Variants in SEPSECS observed in about 807,000 individuals in gnomAD.
The protein encoded by SEPSECS is O-phosphoseryl-tRNA(Sec) selenium transferase.
A neutral mutation model predicts 52.1 loss-of-function variants in SEPSECS; 42 were observed. That is an observed-to-expected ratio of 0.81 (90% CI 0.63 to 1.04). The LOEUF is 1.04. Among genes scored for constraint, SEPSECS ranks in the 50% least tolerant of loss-of-function variants. SEPSECS has a pLI of 0.00. For synonymous variants in SEPSECS, 216 were observed against 211.4 expected (o/e 1.02, Z -0.19); for missense variants, 590 against 610.6 (o/e 0.97, Z 0.36).
At chr4:25,130,471 G>C (rs996124160) in intron 8 of SEPSECS, among the ~76,000 whole-genome samples, 1 of 152,098 alleles carries the variant, frequency 6.6e-6, no homozygotes, top group Non-Finnish European at 1.5e-5. Context: ...CTTTTGAACT[G>C]TAGGTAATAT....
At chr4:25,159,192 A>T in intron 1 of SEPSECS, 85 bp from the exon 2 acceptor site, 1 of 1,238,214 alleles carries the variant, frequency 8.1e-7, no homozygotes, top group Middle Eastern at 2.4e-4. Flanking sequence ...TTTCTTTTTA[A>T]CGTGTATTTT....
intron 6 of SEPSECS, 27 bp downstream of exon 6, chr4:25,151,933 C>G (rs376178623): frequency 3.4e-6 from 4 of 1,170,906 alleles, no homozygotes; most frequent in Non-Finnish European, 5.2e-6. Context: ...TTTTCCTTGA[C>G]ATACATATCA....
chr4:25,158,575 T>C (rs1000719321), intron 2 of SEPSECS, among the ~76,000 whole-genome samples: 1 of 150,972 alleles, frequency 6.6e-6, no homozygotes, highest in Non-Finnish European at 1.5e-5. Flanking sequence ...CTATAAATCA[T>C]TCAAAAAAAA....
Position 25,150,391 on chromosome 4 carries a change from C to T in SEPSECS, c.804+1569G>A, listed in dbSNP as rs117486595. On this transcript the variant is annotated intron_variant, in intron 6 of 10. Transcript: ENST00000382103. ...GTAACCAGTTATTAATTGTCCATTA[C>T]GTACCAGATATTGTCTTAAGTACTG... 2.0e-3 allele frequency among the ~76,000 whole-genome samples: 297 copies of T among 152,266 alleles called. 7 individuals are homozygous for T. The East Asian group carries it at 0.037, about 19-fold the overall frequency.
intron 2 of SEPSECS, among the ~76,000 whole-genome samples, chr4:25,157,548 T>C (rs1306728800): frequency 1.3e-5 from 2 of 151,820 alleles, no homozygotes; most frequent in Non-Finnish European, 2.9e-5. Flanking sequence ...TCTTTTTTTT[T>C]TTTTTTTTCG....
intron 8 of SEPSECS, among the ~76,000 whole-genome samples, chr4:25,134,124 CAAAA>C (rs34672005): frequency 7.6e-4 from 10 of 13,174 alleles, no homozygotes; most frequent in African/African-American, 1.1e-3. Context: ...GACCCCATCT[CAAAA>C]AAAAAAAAAA....
chr4:25,124,935 C>A (rs1728301919), intron 10 of SEPSECS, among the ~76,000 whole-genome samples: 1 of 151,488 alleles, frequency 6.6e-6, no homozygotes, highest in East Asian at 1.9e-4. Flanking sequence ...TAGGCTCAAC[C>A]TAAACACACA....
intron 8 of SEPSECS, among the ~76,000 whole-genome samples, chr4:25,136,066 A>T (rs1444587890): frequency 2.0e-5 from 3 of 152,202 alleles, no homozygotes; most frequent in African/African-American, 7.2e-5. Flanking sequence ...AAATAATAAT[A>T]GCCATTTATG....
At chr4:25,127,137 T>C (rs1728407843) in intron 9 of SEPSECS, 127 bp downstream of exon 9, 2 of 669,226 alleles carry the variant, frequency 3.0e-6, no homozygotes, top group Non-Finnish European at 5.1e-6. Flanking sequence ...ATTTACAAAT[T>C]AAAATACTGT....
Position 25,145,146 on chromosome 4 carries a change from T to C in SEPSECS, c.805-13A>G, listed in dbSNP as rs930671353. 1.2e-6 allele frequency: 2 copies of C among 1,613,512 alleles called. No individual in the cohort carries two copies. Among genetic ancestry groups the C allele is most frequent in the South Asian group, 1.1e-5 (1 of 90,974 alleles). ...CAACTCGAGCCCCCTGGAATCAATA[T>C]GATATTACATATTAGTTGCTAGGAA... On this transcript the variant is annotated splice_polypyrimidine_tract_variant and intron_variant, in intron 6 of 10. Coordinates refer to ENST00000382103, the MANE Select transcript of SEPSECS (RefSeq NM_016955.4).
intron 8 of SEPSECS, among the ~76,000 whole-genome samples, chr4:25,137,144 C>T (rs1728871492): frequency 6.6e-6 from 1 of 152,150 alleles, no homozygotes; most frequent in Non-Finnish European, 1.5e-5. Flanking sequence ...CCATACAGGA[C>T]ACTGGCACAG....
intron 8 of SEPSECS, among the ~76,000 whole-genome samples, chr4:25,143,232 G>A (rs564404238): frequency 2.6e-5 from 4 of 152,170 alleles, no homozygotes; most frequent in Admixed American, 2.0e-4. Context: ...AGTAAAATTC[G>A]GGATGTCTGT....
intron 6 of SEPSECS, among the ~76,000 whole-genome samples, chr4:25,147,737 T>C (rs1271721389): frequency 6.6e-6 from 1 of 152,160 alleles, no homozygotes; most frequent in African/African-American, 2.4e-5. Flanking sequence ...CTTAAGTCAT[T>C]CTGGGGTCTC....
At chr4:25,150,930 G>T (rs186375263) in intron 6 of SEPSECS, among the ~76,000 whole-genome samples, 5 of 152,020 alleles carry the variant, frequency 3.3e-5, no homozygotes, top group African/African-American at 1.2e-4. Context: ...TCACTTGAGC[G>T]TGGGAAGTTG....
At chr4:25,124,584 T>C (rs1480504336) in intron 10 of SEPSECS, among the ~76,000 whole-genome samples, 1 of 152,154 alleles carries the variant, frequency 6.6e-6, no homozygotes, top group Non-Finnish European at 1.5e-5. Flanking sequence ...AAAAAGAAAA[T>C]GATTTGGTTT....
chr4:25,153,821 G>A (rs1712460726), intron 5 of SEPSECS, among the ~76,000 whole-genome samples: 4 of 151,970 alleles, frequency 2.6e-5, no homozygotes. Context: ...TTTTCTGACT[G>A]ATAAAAATCT....
At position 25,156,116 on chromosome 4, in the gene SEPSECS, T is replaced by A; in HGVS notation, c.468A>T (p.Arg156=). ...MSLTLCFLTL[R]HKRPKAKYII... ...TATACTTTGCCTTTGGTCTTTTGTG[T>A]CGTAATGTTAAGAAACACAGAGTTA... Residue 156 remains arginine (R), a synonymous_variant, in exon 4 of 11, where the codon CGA becomes CGT. Coordinates refer to ENST00000382103, the MANE Select transcript of SEPSECS (RefSeq NM_016955.4). 3 of 1,613,980 alleles carry A rather than the reference T, an allele frequency of 1.9e-6. No homozygotes were observed. Among genetic ancestry groups the A allele is most frequent in the Non-Finnish European group, 2.5e-6 (3 of 1,179,916 alleles).
chr4:25,156,261 A>G (rs1712627516), intron 3 of SEPSECS, 66 bp from the exon 4 acceptor site: 2 of 1,391,982 alleles, frequency 1.4e-6, no homozygotes, highest in Admixed American at 3.4e-5. Flanking sequence ...TCTTGAGGAA[A>G]TAATATATTT....
chr4:25,133,255 T>C (rs1728685375), intron 8 of SEPSECS, among the ~76,000 whole-genome samples: 1 of 152,184 alleles, frequency 6.6e-6, no homozygotes, highest in Admixed American at 6.5e-5. Context: ...CTACTCTATA[T>C]ATCTAGATAA....
Sources: allele counts gnomAD v4.1 joint callset (sites outside exome capture counted in the v4.1 genomes callset), GRCh38; gene constraint gnomAD v4.1.1; transcripts MANE v1.5; gene names NCBI Gene and HGNC (gene_info 2026-07-23, HGNC 2026-07-21).